ENKUR: variants seen among roughly 807,000 people sequenced by gnomAD.
ENKUR encodes enkurin, TRPC channel interacting protein, also known as enkurin.
ENKUR carries 19 observed loss-of-function variants against 27.6 expected under a neutral mutation model. The ratio of observed to expected loss-of-function variants is 0.69; its 90% CI spans 0.48 to 1.01. The LOEUF (loss-of-function observed/expected upper bound fraction) is 1.01. Ranked by LOEUF, ENKUR falls within the 50% of genes least tolerant of loss-of-function variation. The pLI is 0.00. For synonymous variants in ENKUR, 117 were observed against 96.9 expected (o/e 1.21, Z -1.22); for missense variants, 312 against 310.5 (o/e 1.00, Z -0.04).
At position 24,991,479 on chromosome 10, in the gene ENKUR, G is replaced by C. The variant is rs142558419; in HGVS notation, c.448-870C>G. Among the ~76,000 whole-genome samples the C allele has an allele frequency of 6.6e-4, 100 of 151,882 alleles. No individual in the cohort carries two copies. The East Asian group carries it at 0.018, about 28-fold the overall frequency. On this transcript the variant is annotated intron_variant, in intron 3 of 5. Transcript: ENST00000331161. Reference sequence around the variant, plus strand: ...AACACATCAATGGAAGAACGTATAAGTGGAGGCTGTTGACAGGGGCGTGCC... The same window carrying C: ...AACACATCAATGGAAGAACGTATAACTGGAGGCTGTTGACAGGGGCGTGCC...
At chr10:25,033,989 A>G (rs1222371298) in intron 2 of ENKUR, among the ~76,000 whole-genome samples, 3 of 152,182 alleles carry the variant, frequency 2.0e-5, no homozygotes, top group African/African-American at 7.2e-5. Context: ...GAGAACTAGT[A>G]AACCCAAATA....
chr10:24,986,975 A>C (rs1343476014), intron 4 of ENKUR, among the ~76,000 whole-genome samples: 1 of 152,174 alleles, frequency 6.6e-6, no homozygotes, highest in Admixed American at 6.5e-5. Flanking sequence ...TATAATAAGA[A>C]GTTTTCAGTT....
chr10:25,037,727 A>T (rs1851023759), intron 2 of ENKUR, among the ~76,000 whole-genome samples: 1 of 151,864 alleles, frequency 6.6e-6, no homozygotes, highest in African/African-American at 2.4e-5. Context: ...GACCTCCTAG[A>T]TCCTGCTTGT....
chr10:25,054,492 TCTTTCTTTCTTTCTTTCTTTC>T (rs1554774522), intron 2 of ENKUR, among the ~76,000 whole-genome samples: 4 of 127,660 alleles, frequency 3.1e-5, no homozygotes, highest in Non-Finnish European at 5.0e-5. Context: ...TTTCTTTCTT[TCTTTCTTTCTTTCTTTCTTTC>T]CTTTCTTTCT....
chr10:25,023,548 G>A, intron 2 of ENKUR: 1 of 1,614,078 alleles, frequency 6.2e-7, no homozygotes, highest in Non-Finnish European at 8.5e-7. Flanking sequence ...TGTTGGTAAT[G>A]AGCAATTTTT....
In ENKUR at chr10:25,056,458, A is replaced by T. The variant is rs920228567; in HGVS notation, c.37+4654T>A. On this transcript the variant is annotated intron_variant, in intron 2 of 5. Coordinates refer to the ENKUR transcript ENST00000615958. Reference sequence around the variant, plus strand: ...TTTTGGGAAAATTAGGGATTTGAGAAGGCTTTAAAAAGGTAGAACTTCATC... The same window carrying T: ...TTTTGGGAAAATTAGGGATTTGAGATGGCTTTAAAAAGGTAGAACTTCATC... Among the ~76,000 whole-genome samples, 2 of 152,234 alleles carry T rather than the reference A, an allele frequency of 1.3e-5. 1 individual carries two copies. Among genetic ancestry groups the T allele is most frequent in the South Asian group, 4.1e-4 (2 of 4,826 alleles).
At chr10:25,009,814 G>C (rs187481361) in intron 1 of ENKUR, among the ~76,000 whole-genome samples, 2 of 149,834 alleles carry the variant, frequency 1.3e-5, no homozygotes, top group Non-Finnish European at 2.9e-5. Flanking sequence ...ACACACTCTC[G>C]TTTCCCACTA....
chr10:25,030,250 C>G (rs1479344674), intron 2 of ENKUR, among the ~76,000 whole-genome samples: 1 of 152,158 alleles, frequency 6.6e-6, no homozygotes, highest in Non-Finnish European at 1.5e-5. Flanking sequence ...AACTCACTCT[C>G]CAGTAGCTTC....
intron 2 of ENKUR, among the ~76,000 whole-genome samples, chr10:25,022,690 A>G (rs1033793207): frequency 1.3e-5 from 2 of 152,214 alleles, no homozygotes; most frequent in Non-Finnish European, 2.9e-5. Flanking sequence ...CAATGTTCAT[A>G]TAACTGAAGA....
At chr10:25,034,153 ATTT>A (rs1850974287) in intron 2 of ENKUR, among the ~76,000 whole-genome samples, 1 of 152,102 alleles carries the variant, frequency 6.6e-6, no homozygotes. Context: ...AAAACGTATT[ATTT>A]ATTTTTATTT....
intron 4 of ENKUR, among the ~76,000 whole-genome samples, chr10:24,989,048 T>C (rs1285730739): frequency 1.3e-5 from 2 of 152,042 alleles, no homozygotes; most frequent in Non-Finnish European, 2.9e-5. Flanking sequence ...GCTTATCTCC[T>C]ACAGCCAAAA....
intron 2 of ENKUR, among the ~76,000 whole-genome samples, chr10:25,060,666 A>G (rs1851316325): frequency 6.6e-6 from 1 of 151,884 alleles, no homozygotes; most frequent in Non-Finnish European, 1.5e-5. Flanking sequence ...GGCAGGGTAG[A>G]CCCCACCCAA....
intron 2 of ENKUR, among the ~76,000 whole-genome samples, chr10:24,997,368 C>A (rs375081453): frequency 2.6e-5 from 4 of 151,700 alleles, no homozygotes; most frequent in Non-Finnish European, 5.9e-5. Context: ...TTTGCAAAAC[C>A]CTGCATTCCT....
chr10:25,054,797 C>T (rs1452086274), intron 2 of ENKUR, among the ~76,000 whole-genome samples: 2 of 151,758 alleles, frequency 1.3e-5, no homozygotes, highest in Non-Finnish European at 2.9e-5. Flanking sequence ...CCACCTCAGC[C>T]CCCCTCATAG....
intron 2 of ENKUR, among the ~76,000 whole-genome samples, chr10:25,040,014 G>T (rs1851045187): frequency 2.1e-5 from 1 of 48,544 alleles, no homozygotes. Context: ...TACGTACTCT[G>T]TTCTTCTCTG....
intron 3 of ENKUR, among the ~76,000 whole-genome samples, chr10:24,991,966 C>T (rs2132678146): frequency 6.6e-6 from 1 of 152,304 alleles, no homozygotes; most frequent in South Asian, 2.1e-4. Flanking sequence ...GAAGTGTGAG[C>T]AGTGGGGCAC....
At chr10:25,022,662 G>A (rs189192350) in intron 2 of ENKUR, among the ~76,000 whole-genome samples, 1 of 152,172 alleles carries the variant, frequency 6.6e-6, no homozygotes, top group African/African-American at 2.4e-5. Context: ...AGAAATTTAT[G>A]AGTAATATAG....
intron 2 of ENKUR, among the ~76,000 whole-genome samples, chr10:25,059,200 T>G (rs1003714363): frequency 6.7e-6 from 1 of 148,988 alleles, no homozygotes; most frequent in African/African-American, 2.5e-5. Flanking sequence ...TGGCGCAATC[T>G]CTGGTCACTG....
At chr10:24,991,404 C>A (rs549521116) in intron 3 of ENKUR, among the ~76,000 whole-genome samples, 1 of 151,930 alleles carries the variant, frequency 6.6e-6, no homozygotes, top group East Asian at 1.9e-4. Flanking sequence ...GCCTATAAAA[C>A]CCCCCGAGAC....
Sources: allele counts gnomAD v4.1 joint callset (sites outside exome capture counted in the v4.1 genomes callset), GRCh38; gene constraint gnomAD v4.1.1; transcripts MANE v1.5; gene names NCBI Gene and HGNC (gene_info 2026-07-23, HGNC 2026-07-21).